HEATR4: variants seen among roughly 807,000 people sequenced by gnomAD.
HEATR4 encodes HEAT repeat-containing protein 4.
A neutral mutation model predicts 108.8 loss-of-function variants in HEATR4; 95 were observed. The ratio of observed to expected loss-of-function variants is 0.87; its 90% CI spans 0.74 to 1.04. The LOEUF is 1.04. HEATR4 is among the 50% of genes least tolerant of loss of function. The pLI, the probability that HEATR4 is intolerant of heterozygous loss-of-function variation, is 0.00. For synonymous variants in HEATR4, 443 were observed against 459.4 expected (o/e 0.96, Z 0.46); for missense variants, 1,152 against 1,253.8 (o/e 0.92, Z 1.23).
At chr14:73,602,190 C>T in the HEATR4 span, among the ~76,000 whole-genome samples, 2 of 152,084 alleles carry the variant, frequency 1.3e-5, no homozygotes, top group African/African-American at 2.4e-5. Flanking sequence ...CCGCCCGCCT[C>T]GGCCTCCCAA....
the HEATR4 span, chr14:73,569,354 G>A: frequency 6.2e-7 from 1 of 1,613,876 alleles, no homozygotes; most frequent in African/African-American, 1.3e-5. Flanking sequence ...AATGGAGCCT[G>A]AAGAGTTCGG....
At chr14:73,506,373 AG>A in intron 10 of HEATR4, 93 bp downstream of exon 10, 1 of 796,548 alleles carries the variant, frequency 1.3e-6, no homozygotes, top group Non-Finnish European at 2.2e-6. Flanking sequence ...CTGTTTGGTA[AG>A]AATGGAATAA....
Position 73,523,096 on chromosome 14 carries a change from C to T in HEATR4, c.57G>A (p.Leu19=). Residue 19 remains leucine, a synonymous_variant, in exon 3 of 18, where the codon CTG becomes CTA. Coordinates refer to ENST00000553558, the MANE Select transcript of HEATR4 (RefSeq NM_001220484.1). ...TFLPHCFYQS[L]PPRLGWGMIL... The stretch of plus-strand genomic sequence containing the variant: ...TCATGCCCCATCCCAGTCGTGGGGG[C>T]AGTGACTGATAGAAGCAATGGGGGA... 1 of 1,611,148 alleles carries T rather than the reference C, an allele frequency of 6.2e-7. No individual in the cohort carries two copies. Among genetic ancestry groups the T allele is most frequent in the Non-Finnish European group, 8.5e-7 (1 of 1,179,986 alleles).
chr14:73,633,007 C>CTTTTTTT, the HEATR4 span, among the ~76,000 whole-genome samples: 1 of 122,060 alleles, frequency 8.2e-6, no homozygotes, highest in African/African-American at 3.2e-5. Context: ...CTCTCTCTCT[C>CTTTTTTT]TTTTTTTTTT....
rs780187133 is a variant in HEATR4, at chr14:73,523,154, C to T, written c.-2G>A. On this transcript the variant is annotated 5_prime_UTR_variant, in exon 3 of 18. Transcript: ENST00000553558. ...CTTTCCCTTCTGGGTCCTGGTCATACCGCGTCCCAGCAAATGCTTCCTTCC... is the reference window on the plus strand; with the variant it reads ...CTTTCCCTTCTGGGTCCTGGTCATATCGCGTCCCAGCAAATGCTTCCTTCC... The T allele has an allele frequency of 4.7e-5, 75 of 1,581,384 alleles. No individual in the cohort carries two copies. In the African/African-American group the frequency reaches 8.8e-4, roughly 19 times the overall value.
At chr14:73,570,568 CAAAA>C in the HEATR4 span, among the ~76,000 whole-genome samples, 8 of 143,994 alleles carry the variant, frequency 5.6e-5, no homozygotes, top group Non-Finnish European at 9.2e-5. Flanking sequence ...GACTCCGTCT[CAAAA>C]AAAAGACATT....
the HEATR4 span, among the ~76,000 whole-genome samples, chr14:73,606,383 A>G: frequency 1.1e-5 from 1 of 88,734 alleles, no homozygotes; most frequent in East Asian, 1.0e-3. Flanking sequence ...ACAAAACAAA[A>G]CAAAAAAAAA....
rs1456782513 is a variant in HEATR4 at position 73,498,291 on chromosome 14, C to A, written c.2410G>T (p.Ala804Ser). 3 of 1,613,244 alleles carry A rather than the reference C, an allele frequency of 1.9e-6. No individual in the cohort carries two copies. The highest frequency in any genetic ancestry group is 2.5e-6 in the Non-Finnish European group (3 of 1,179,530). ...SPELTDLLLW[A>S]IHYEESPGVR... is the part of the protein sequence containing the mutation. ...CCTGGTGACTCTTCATAGTGGATAG[C>A]CCAGAGCAGAAGATCCGTCAGCTCG... The change falls in exon 14 of 18, where the codon GCT (alanine) becomes TCT (serine). Residue 804 changes from alanine to serine, a missense_variant. Physicochemically the swap from Ala to Ser is moderately conservative, Grantham distance 99. Transcript: ENST00000553558.
chr14:73,493,269 ATTT>A lies in HEATR4; in HGVS notation c.2786-148_2786-146del, dbSNP rs966401722. ...TCGTTCTGCTTGAGACAGATATTAG[ATTT>A]TTTTTGGAATTTGGATCTTTCATCT... is the stretch of plus-strand genomic sequence containing the variant. On this transcript the variant is annotated intron_variant, in intron 16 of 17. Coordinates refer to ENST00000553558, the MANE Select transcript of HEATR4 (RefSeq NM_001220484.1). 1.5e-4 allele frequency: 94 copies of A among 638,298 alleles called. No individual in the cohort carries two copies. In the East Asian group the frequency reaches 2.3e-3, roughly 16 times the overall value. 39.5% of individuals were successfully genotyped at this position (638,298 alleles called of 1,614,324 possible). A position where few individuals can be genotyped will look rare whatever the true frequency, so the allele number is the denominator to read the frequency against.
the HEATR4 span, among the ~76,000 whole-genome samples, chr14:73,591,541 C>CAA: frequency 2.1e-5 from 3 of 139,874 alleles, no homozygotes; most frequent in East Asian, 2.1e-4. Context: ...GACTCTGTTT[C>CAA]AAAAAAAAAA....
chr14:73,497,784 G>T (rs150504394), intron 14 of HEATR4, among the ~76,000 whole-genome samples: 3 of 151,892 alleles, frequency 2.0e-5, no homozygotes, highest in African/African-American at 7.3e-5. Context: ...GTGCCACCAT[G>T]CCTGGCTAAT....
the HEATR4 span, among the ~76,000 whole-genome samples, chr14:73,622,412 T>A: frequency 6.6e-6 from 1 of 152,082 alleles, no homozygotes; most frequent in Admixed American, 6.6e-5. Context: ...CTCCAATATA[T>A]ATATTTTGAC....
chr14:73,612,701 G>A, the HEATR4 span: 1 of 1,399,290 alleles, frequency 7.1e-7, no homozygotes, highest in Non-Finnish European at 9.2e-7. Flanking sequence ...CGAAGAGGGC[G>A]CGCTCTTCCG....
chr14:73,550,856 T>C (rs1889308180), intron 1 of HEATR4, among the ~76,000 whole-genome samples: 1 of 115,440 alleles, frequency 8.7e-6, no homozygotes, highest in African/African-American at 2.8e-5. Flanking sequence ...CCACAGGAAC[T>C]CACTCACTAA....
intron 1 of HEATR4, among the ~76,000 whole-genome samples, chr14:73,533,881 TA>T (rs59844752): frequency 0.86 from 32,528 of 37,980 alleles, 14,548 homozygotes; most frequent in Middle Eastern, 0.97. Flanking sequence ...ACCCTGTCTC[TA>T]AAAAAAAAAA....
At chr14:73,506,825 T>TTTTTTTTTTTTTTTTTTTTTC (rs60290843) in intron 9 of HEATR4, among the ~76,000 whole-genome samples, 1 of 126,132 alleles carries the variant, frequency 7.9e-6, no homozygotes, top group East Asian at 2.1e-4. Flanking sequence ...TTTTTTTTTT[T>TTTTTTTTTTTTTTTTTTTTTC]CTGAGAAGGT....
chr14:73,515,317 A>C (rs1280715519), intron 5 of HEATR4, among the ~76,000 whole-genome samples: 1 of 152,196 alleles, frequency 6.6e-6, no homozygotes, highest in Non-Finnish European at 1.5e-5. Context: ...TAACACCTTT[A>C]GATTTGCTCT....
chr14:73,483,365 C>A (rs543224254), intron 17 of HEATR4, among the ~76,000 whole-genome samples: 1 of 152,238 alleles, frequency 6.6e-6, no homozygotes, highest in Admixed American at 6.5e-5. Flanking sequence ...GAGACCTGGT[C>A]TTACTATGTT....
chr14:73,584,230 G>C, the HEATR4 span, among the ~76,000 whole-genome samples: 1 of 151,520 alleles, frequency 6.6e-6, no homozygotes, highest in Non-Finnish European at 1.5e-5. Context: ...CGGGGCTCTT[G>C]ACCTTCAGGT....
Sources: allele counts gnomAD v4.1 joint callset (sites outside exome capture counted in the v4.1 genomes callset), GRCh38; gene constraint gnomAD v4.1.1; transcripts MANE v1.5; gene names NCBI Gene and HGNC (gene_info 2026-07-23, HGNC 2026-07-21).